The following ATG3 variants were observed in gnomAD, a reference collection of about 807,000 sequenced individuals.
ATG3 encodes the protein ubiquitin-like-conjugating enzyme ATG3.
In ATG3, 25 loss-of-function variants were observed where a neutral mutation model predicts 50.7. That is an observed-to-expected ratio of 0.49 (90% CI 0.36 to 0.69). The LOEUF (loss-of-function observed/expected upper bound fraction) is 0.69, where lower values mean the gene tolerates loss of function less well. Among genes scored for constraint, ATG3 ranks in the 30% least tolerant of loss-of-function variants. The pLI, the probability that ATG3 is intolerant of heterozygous loss-of-function variation, is 0.00. For synonymous variants in ATG3, 119 were observed against 125.5 expected, an observed-to-expected ratio of 0.95 and a Z score of 0.34; for missense variants, 281 against 376.0, an observed-to-expected ratio of 0.75 and a Z score of 2.09.
chr3:112,548,558 T>G lies in ATG3; in HGVS notation c.318A>C (p.Gly106=). The stretch of plus-strand genomic sequence containing the variant: ...CTGTGTTGTGATATGTATCTACCCA[T>G]CCGCCATCACCATCATCTTCTTCAA... ...AIIEEDDGDG[G]WVDTYHNTGI... is the part of the protein sequence containing the mutation. Residue 106 remains glycine, a synonymous_variant, in exon 5 of 12, where the codon GGA becomes GGC. Coordinates refer to ENST00000283290, the MANE Select transcript of ATG3 (RefSeq NM_022488.5). 6.2e-7 allele frequency: 1 copy of G among 1,613,626 alleles called. No homozygotes were observed.
At position 112,536,537 on chromosome 3, in the gene ATG3, T is replaced by C; in HGVS notation, c.732A>G (p.Thr244=). Residue 244 remains threonine (T), a synonymous_variant, in exon 10 of 12, where the codon ACA becomes ACG. Coordinates refer to ENST00000283290, the MANE Select transcript of ATG3 (RefSeq NM_022488.5). The part of the protein sequence containing the change: ...EDISQDHVKK[T]VTIENHPHLP... ...GATGAGGGTGATTTTCAATGGTCAC[T>C]GTTTTCTTCACATGATCCTGACTGA... The C allele has an allele frequency of 6.2e-7, 1 of 1,614,088 alleles. No homozygotes were observed. The highest frequency in any genetic ancestry group is 8.5e-7 in the Non-Finnish European group (1 of 1,179,898).
intron 3 of ATG3, among the ~76,000 whole-genome samples, chr3:112,551,688 A>T (rs893371519): frequency 6.6e-6 from 1 of 152,192 alleles, no homozygotes; most frequent in Non-Finnish European, 1.5e-5. Context: ...TATAGAAAAA[A>T]ACCTGAATCA....
intron 9 of ATG3, chr3:112,536,870 GA>G (rs1393051844): frequency 6.0e-6 from 1 of 167,042 alleles, no homozygotes; most frequent in Non-Finnish European, 1.2e-5. Context: ...GCAATGAGCT[GA>G]GATTGCGCCA....
At chr3:112,553,154 G>C (rs1052284722) in intron 3 of ATG3, 126 bp downstream of exon 3, 4 of 760,452 alleles carry the variant, frequency 5.3e-6, no homozygotes, top group Non-Finnish European at 8.9e-6. Context: ...TTTAACAGAA[G>C]AATCTGCTGG....
chr3:112,541,929 A>C (rs756701603), intron 6 of ATG3, 45 bp from the exon 7 acceptor site: 1 of 1,469,282 alleles, frequency 6.8e-7, no homozygotes, highest in South Asian at 1.2e-5. Flanking sequence ...ATATACATTA[A>C]TTTGAACACT....
intron 4 of ATG3, among the ~76,000 whole-genome samples, chr3:112,549,798 C>CAAAAAAA (rs71631400): frequency 8.6e-6 from 1 of 116,800 alleles, no homozygotes. Context: ...TCAAAACAAC[C>CAAAAAAA]AAAAAAAAAA....
chr3:112,539,560 T>TC (rs1325308455), intron 7 of ATG3, among the ~76,000 whole-genome samples: 3 of 152,166 alleles, frequency 2.0e-5, no homozygotes, highest in African/African-American at 7.2e-5. Context: ...CTAACCCCTT[T>TC]CTTCCTTTAT....
chr3:112,543,374 C>T (rs1688374016), intron 6 of ATG3, among the ~76,000 whole-genome samples: 1 of 152,014 alleles, frequency 6.6e-6, no homozygotes, highest in Non-Finnish European at 1.5e-5. Flanking sequence ...AATCTAATAC[C>T]TACAACAGCC....
intron 3 of ATG3, among the ~76,000 whole-genome samples, chr3:112,551,465 T>G (rs1406855503): frequency 6.6e-6 from 1 of 152,196 alleles, no homozygotes; most frequent in Admixed American, 6.5e-5. Flanking sequence ...GCCAAAAGTG[T>G]GGACACTGAA....
At chr3:112,557,404 G>A (rs1042969492) in intron 2 of ATG3, among the ~76,000 whole-genome samples, 2 of 152,178 alleles carry the variant, frequency 1.3e-5, no homozygotes, top group Non-Finnish European at 2.9e-5. Context: ...CGGATCACGA[G>A]GTCAAGAGGT....
At chr3:112,555,198 C>T (rs575703927) in intron 2 of ATG3, among the ~76,000 whole-genome samples, 43 of 152,018 alleles carry the variant, frequency 2.8e-4, no homozygotes, top group Admixed American at 8.5e-4. Flanking sequence ...GCAAGAAAAA[C>T]GAAAAACAAA....
At chr3:112,542,898 G>C (rs943116860) in intron 6 of ATG3, among the ~76,000 whole-genome samples, 1 of 151,936 alleles carries the variant, frequency 6.6e-6, no homozygotes, top group East Asian at 1.9e-4. Flanking sequence ...ATATAGTAAT[G>C]GTCAGAGTAA....
At chr3:112,538,301 GAA>G (rs1196977622) in intron 7 of ATG3, 121 bp from the exon 8 acceptor site, 6 of 711,544 alleles carry the variant, frequency 8.4e-6, no homozygotes, top group Admixed American at 6.5e-5. Flanking sequence ...GTTTTTAAGT[GAA>G]GATATTGAAT....
rs1017270728 is a variant in ATG3 at position 112,551,736 on chromosome 3, T to A, written c.165-1474A>T. On this transcript the variant is annotated intron_variant, in intron 3 of 11. Transcript: ENST00000283290. ...AAATGAATACTACTGTAAACCTCATTTCCCTATTTGACTTGAAATACATAT... is the reference window on the plus strand; with the variant it reads ...AAATGAATACTACTGTAAACCTCATATCCCTATTTGACTTGAAATACATAT... Among the ~76,000 whole-genome samples, 49 of 152,276 alleles carry A rather than the reference T, an allele frequency of 3.2e-4. 1 individual carries two copies. The highest frequency in any genetic ancestry group is 3.4e-3 in the Middle Eastern group (1 of 294).
intron 11 of ATG3, 121 bp from the exon 12 acceptor site, chr3:112,532,901 T>G (rs2082566330): frequency 7.6e-7 from 1 of 1,317,800 alleles, no homozygotes. Context: ...AAATCTTAAA[T>G]TAAGTCTATT....
intron 3 of ATG3, among the ~76,000 whole-genome samples, chr3:112,552,670 G>A (rs953968604): frequency 2.4e-4 from 34 of 144,516 alleles, no homozygotes; most frequent in Non-Finnish European, 3.5e-4. Flanking sequence ...TTTTTGAGAC[G>A]GGAGCCTCTC....
chr3:112,548,934 T>C (rs17233960), intron 4 of ATG3, among the ~76,000 whole-genome samples: 14,478 of 152,280 alleles, frequency 0.095, 831 homozygotes, highest in South Asian at 0.23. Context: ...CAGGCTGATG[T>C]CAGAGATACA....
Position 112,561,567 on chromosome 3 carries a change from G to C in ATG3, c.-39C>G, listed in dbSNP as rs754541563. The stretch of plus-strand genomic sequence containing the variant: ...TAGCGGCCGGCCCCGCGACGGGATG[G>C]AAAGTGCAGCCGTGTCAGGGGCCAG... On this transcript the variant is annotated 5_prime_UTR_variant, in exon 1 of 12. Coordinates refer to ENST00000283290, the MANE Select transcript of ATG3 (RefSeq NM_022488.5). 6.3e-6 allele frequency: 10 copies of C among 1,594,564 alleles called. No individual in the cohort carries two copies. Among genetic ancestry groups the C allele is most frequent in the Non-Finnish European group, 7.7e-6 (9 of 1,169,876 alleles).
rs1375443253 is a variant in ATG3 at position 112,544,104 on chromosome 3, T to C, written c.346A>G (p.Ile116Val). The part of the protein sequence containing the change: ...GWVDTYHNTG[I>V]TGITEAVKEI... The stretch of plus-strand genomic sequence containing the variant: ...TTAACGGCTTCCGTTATTCCTGTAA[T>C]ACCTATGTAAAATTCGGCAGAAAAG... The change falls in exon 6 of 12, where the codon ATT (isoleucine) becomes GTT (valine). Residue 116 changes from isoleucine to valine, a missense_variant and splice_region_variant. Around this residue, in one of 3 missense-constraint regions of ATG3, gnomAD observed 242 missense variants for 305.0 expected, o/e 0.79. Transcript: ENST00000283290. 12 of 1,600,442 alleles carry C rather than the reference T, an allele frequency of 7.5e-6. No individual in the cohort carries two copies. The highest frequency in any genetic ancestry group is 1.1e-5 in the South Asian group (1 of 90,618).
Sources: gnomAD v4.1 joint callset for allele counts (sites outside exome capture counted in the v4.1 genomes callset) on GRCh38, gnomAD v4.1.1 for gene constraint, gnomAD v4.1.1 regional missense constraint, MANE v1.5 for transcripts, NCBI Gene and HGNC (gene_info 2026-07-23, HGNC 2026-07-21) for gene names.